The following CPAMD8 variants were observed in gnomAD, a reference collection of about 807,000 sequenced individuals.
CPAMD8 encodes C3 and PZP like alpha-2-macroglobulin domain containing 8.
A neutral mutation model predicts 224.7 loss-of-function variants in CPAMD8; 146 were observed. The observed-to-expected ratio is 0.65, with a 90% CI of 0.57 to 0.75. The LOEUF (loss-of-function observed/expected upper bound fraction) is 0.75, where lower values mean the gene tolerates loss of function less well. Ranked by LOEUF, CPAMD8 falls within the 30% of genes least tolerant of loss-of-function variation. The probability of loss-of-function intolerance (pLI) is 0.00; values close to 1 mark genes in which losing one functional copy is unlikely to be tolerated. For synonymous variants in CPAMD8, 966 were observed against 1,044.6 expected (o/e 0.92, Z 1.45); for missense variants, 2,301 against 2,537.5 (o/e 0.91, Z 2.00).
At chr19:17,025,237 C>A (rs1477283540) in intron 1 of CPAMD8, among the ~76,000 whole-genome samples, 2 of 152,070 alleles carry the variant, frequency 1.3e-5, no homozygotes, top group African/African-American at 4.8e-5. Flanking sequence ...ATGGAGAAAC[C>A]CCATCTCTAT....
At position 16,993,566 on chromosome 19, in the gene CPAMD8, A is replaced by G. The variant is rs140705592; in HGVS notation, c.1116T>C (p.Asp372=). ...CCGTCACCCCCTCAGCTGGGCTGCC[A>G]TCGGGGTAGGATAGCTCCACCTAGA... The part of the protein sequence containing the change: ...YVGKVELSYP[D]GSPAEGVTVQ... Residue 372 remains aspartate (D), a synonymous_variant, in exon 12 of 42, where the codon GAT becomes GAC. Coordinates refer to ENST00000443236, the MANE Select transcript of CPAMD8 (RefSeq NM_015692.5). The G allele has an allele frequency of 1.9e-3, 3,022 of 1,614,162 alleles. 4 individuals carry two copies. Among genetic ancestry groups the G allele is most frequent in the Non-Finnish European group, 2.4e-3 (2,831 of 1,180,002 alleles).
rs775378314 is a variant in CPAMD8 at position 16,903,635 on chromosome 19, A to T, written c.4408-12T>A. On this transcript the variant is annotated splice_polypyrimidine_tract_variant and intron_variant, in intron 33 of 41. Transcript: ENST00000443236. ...GGGAGGCTGGGGATCTGGAGACAGA[A>T]GTCACCGTGAGGCCCTGCTGACCCC... 1 of 1,614,074 alleles carries T rather than the reference A, an allele frequency of 6.2e-7. No individual in the cohort carries two copies. Among genetic ancestry groups the T allele is most frequent in the Admixed American group, 1.7e-5 (1 of 60,014 alleles).
At chr19:16,985,566 A>G (rs2122827995) in intron 13 of CPAMD8, among the ~76,000 whole-genome samples, 1 of 149,208 alleles carries the variant, frequency 6.7e-6, no homozygotes, top group South Asian at 2.2e-4. Flanking sequence ...AAAGGAAGGA[A>G]GGGAAGGAAG....
In CPAMD8 at chr19:16,999,543, C is replaced by T. The variant is rs566756265; in HGVS notation, c.867+871G>A. ...GAGCTTGCAGTGAGCCGAGATCACG[C>T]CATTGCACTCCAGCCTGGGCAACAG... is the stretch of plus-strand genomic sequence containing the variant. On this transcript the variant is annotated intron_variant, in intron 10 of 41. Coordinates refer to ENST00000443236, the MANE Select transcript of CPAMD8 (RefSeq NM_015692.5). 1.9e-3 allele frequency among the ~76,000 whole-genome samples: 289 copies of T among 150,426 alleles called. 1 individual carries two copies. The highest frequency in any genetic ancestry group is 6.7e-3 in the African/African-American group (274 of 40,942).
chr19:16,930,352 T>G (rs1163820927), intron 23 of CPAMD8, among the ~76,000 whole-genome samples: 1 of 152,134 alleles, frequency 6.6e-6, no homozygotes, highest in South Asian at 2.1e-4. Flanking sequence ...CAATGTGATA[T>G]GAGTATCAGG....
Position 17,011,708 on chromosome 19 carries a change from C to A in CPAMD8, c.317G>T (p.Gly106Val), listed in dbSNP as rs1442986654. ...GQALLKVWGR[G>V]WQAEEGPLFH... ...GAGGGGCCCCTCCTCCGCCTGCCAG[C>A]CGCGGCCCCACACTTTCAGAAGCGC... Residue 106 changes from glycine (G) to valine (V), a missense_variant, in exon 4 of 42, where the codon GGC (glycine) becomes GTC (valine). Transcript: ENST00000443236. The A allele has an allele frequency of 6.2e-7, 1 of 1,614,036 alleles. No homozygotes were observed. Among genetic ancestry groups the A allele is most frequent in the Non-Finnish European group, 8.5e-7 (1 of 1,180,018 alleles).
At position 16,896,548 on chromosome 19, in the gene CPAMD8, C is replaced by T; in HGVS notation, c.5183G>A (p.Gly1728Glu). 6.7e-7 allele frequency: 1 copy of T among 1,498,032 alleles called. No individual in the cohort carries two copies. Among genetic ancestry groups the T allele is most frequent in the South Asian group, 1.3e-5 (1 of 79,354 alleles). The allele number at this position is 1,498,032 out of a possible 1,614,324, so 92.8% of individuals were successfully genotyped here. ...GCGGCAGGCGCTGGCGTAGACCACC[C>T]CGTCGGAGCCGCACACCGGGTTCCC... is the stretch of plus-strand genomic sequence containing the variant. ...AQGNPVCGSD[G>E]VVYASACRLR... Residue 1728 changes from glycine to glutamate, a missense_variant, in exon 40 of 42, where the codon GGG (glycine) becomes GAG (glutamate). By Grantham distance (98) the Gly-to-Glu change is moderately conservative (BLOSUM62 -2). This residue lies in a region of CPAMD8 where 1,709 missense variants were observed against 1,753.2 expected (regional missense o/e 0.97). Transcript: ENST00000443236.
intron 21 of CPAMD8, among the ~76,000 whole-genome samples, chr19:16,946,509 G>A (rs1286716964): frequency 8.3e-6 from 1 of 120,150 alleles, no homozygotes; most frequent in African/African-American, 3.5e-5. Flanking sequence ...GCATGTGTGT[G>A]TGGATTTGTG....
At chr19:16,974,839 G>C (rs982250504) in intron 17 of CPAMD8, among the ~76,000 whole-genome samples, 5 of 152,082 alleles carry the variant, frequency 3.3e-5, no homozygotes, top group African/African-American at 1.2e-4. Context: ...GCCAGGTGTG[G>C]TGGCATGCAC....
intron 16 of CPAMD8, among the ~76,000 whole-genome samples, chr19:16,975,752 T>G (rs1220503540): frequency 6.6e-6 from 1 of 151,980 alleles, no homozygotes; most frequent in East Asian, 1.9e-4. Context: ...GCCAGAGAGG[T>G]GAGACCTGGC....
At chr19:16,970,839 G>C in intron 18 of CPAMD8, 52 bp downstream of exon 18, 1 of 1,564,628 alleles carries the variant, frequency 6.4e-7, no homozygotes, top group African/African-American at 1.4e-5. Flanking sequence ...ACAAGCCCCA[G>C]ATGTTAATAG....
chr19:16,958,515 C>A (rs1283162112), intron 18 of CPAMD8, among the ~76,000 whole-genome samples: 3 of 152,162 alleles, frequency 2.0e-5, no homozygotes, highest in Non-Finnish European at 4.4e-5. Context: ...TTTATCCAAT[C>A]TGTCATTGAT....
chr19:16,896,575 TG>T lies in CPAMD8; in HGVS notation c.5155del (p.Gln1719ArgfsTer68). On this transcript the variant is annotated frameshift_variant, in exon 40 of 42. Transcript: ENST00000443236. LOFTEE classifies it high-confidence loss of function. Reference sequence around the variant, plus strand: ...GTCGGAGCCGCACACCGGGTTCCCCTGGGCGCCGCAGTCGTGGTCGCAGCCG... The same window carrying T: ...GTCGGAGCCGCACACCGGGTTCCCCTGGCGCCGCAGTCGTGGTCGCAGCCG... Reference protein sequence around the residue: ...RCGCDHDCGAQGNPVCGSDGV... With the variant: ...RCGCDHDCGAXGNPVCGSDGV... 6.6e-7 allele frequency: 1 copy of T among 1,512,110 alleles called. No individual in the cohort carries two copies. Among genetic ancestry groups the T allele is most frequent in the South Asian group, 1.2e-5 (1 of 81,098 alleles). 93.7% of individuals were successfully genotyped at this position (1,512,110 alleles called of 1,614,324 possible).
Position 16,929,007 on chromosome 19 carries a change from C to T in CPAMD8, c.3079G>A (p.Ala1027Thr). 1 of 1,614,070 alleles carries T rather than the reference C, an allele frequency of 6.2e-7. No individual in the cohort carries two copies. The highest frequency in any genetic ancestry group is 8.5e-7 in the Non-Finnish European group (1 of 1,179,992). ...MGEPVASAHT[A>T]KILSWDEFRT... ...AATTCATCCCAGGAGAGGATCTTGG[C>T]CGTGTGTGCACTGGCCACGGGCTCT... Residue 1027 changes from alanine (A) to threonine (T), a missense_variant, in exon 24 of 42, where the codon GCC (alanine) becomes ACC (threonine). Transcript: ENST00000443236.
chr19:17,021,758 G>T (rs2056962999), intron 2 of CPAMD8, among the ~76,000 whole-genome samples: 3 of 152,206 alleles, frequency 2.0e-5, no homozygotes, highest in South Asian at 4.1e-4. Context: ...GCTGACACAG[G>T]TGGGTGCCCG....
intron 3 of CPAMD8, among the ~76,000 whole-genome samples, chr19:17,018,717 TACACACACAC>T (rs367984655): frequency 5.6e-4 from 76 of 136,826 alleles, no homozygotes; most frequent in Middle Eastern, 3.5e-3. Flanking sequence ...CTACTAAAAA[TACACACACAC>T]ACACACACAC....
At chr19:16,925,632 T>C (rs2053332488) in intron 25 of CPAMD8, among the ~76,000 whole-genome samples, 1 of 152,200 alleles carries the variant, frequency 6.6e-6, no homozygotes, top group South Asian at 2.1e-4. Flanking sequence ...GCTTTTTCCC[T>C]CCCTGGCTTT....
intron 25 of CPAMD8, among the ~76,000 whole-genome samples, chr19:16,925,712 G>C (rs983218567): frequency 6.6e-6 from 1 of 151,878 alleles, no homozygotes; most frequent in African/African-American, 2.4e-5. Flanking sequence ...ACAAATATTG[G>C]TATGTCTATA....
chr19:16,925,089 C>T (rs2053311831), intron 26 of CPAMD8, 107 bp downstream of exon 26: 1 of 1,227,118 alleles, frequency 8.1e-7, no homozygotes, highest in South Asian at 1.4e-5. Context: ...ACTTCCTCCC[C>T]TTTGCTGCAC....
Sources: gnomAD v4.1 joint callset for allele counts (sites outside exome capture counted in the v4.1 genomes callset) on GRCh38, gnomAD v4.1.1 for gene constraint, gnomAD v4.1.1 regional missense constraint, MANE v1.5 for transcripts, NCBI Gene and HGNC (gene_info 2026-07-23, HGNC 2026-07-21) for gene names.